XXYLT1: variants seen among roughly 807,000 people sequenced by gnomAD.
XXYLT1 encodes the protein xyloside xylosyltransferase 1.
XXYLT1 carries 20 observed loss-of-function variants against 28.9 expected under a neutral mutation model. The observed-to-expected ratio is 0.69, with a 90% CI of 0.49 to 1.00. The LOEUF (loss-of-function observed/expected upper bound fraction) is 1.00. XXYLT1 is among the 50% of genes least tolerant of loss of function. XXYLT1 has a pLI of 0.00. For missense variants in XXYLT1, 542 were observed against 560.1 expected, an observed-to-expected ratio of 0.97 and a Z score of 0.33; for synonymous variants, 257 against 253.8, an observed-to-expected ratio of 1.01 and a Z score of -0.12.
At chr3:195,100,431 C>T (rs1296343652) in intron 3 of XXYLT1, among the ~76,000 whole-genome samples, 7 of 152,166 alleles carry the variant, frequency 4.6e-5, no homozygotes, top group Admixed American at 4.6e-4. Flanking sequence ...CACAGCGCCT[C>T]CCCCAGAAGG....
intron 2 of XXYLT1, among the ~76,000 whole-genome samples, chr3:195,198,325 G>A (rs1217215211): frequency 6.6e-6 from 1 of 152,128 alleles, no homozygotes; most frequent in Non-Finnish European, 1.5e-5. Flanking sequence ...ATGCAAAGTC[G>A]AACTTCTCTT....
At chr3:195,094,002 G>T in intron 3 of XXYLT1, 1 of 154,274 alleles carries the variant, frequency 6.5e-6, no homozygotes, top group Non-Finnish European at 1.4e-5. Flanking sequence ...AGTGTCAGCT[G>T]CTCCCCTCGG....
chr3:195,071,351 G>A lies in XXYLT1; in HGVS notation c.786-1240C>T, dbSNP rs998416790. ...ATCTGCGTGATGAAGCAGAAGGTAC[G>A]GGGGAATAAAACCGGAGACCCTGCC... On this transcript the variant is annotated intron_variant, in intron 3 of 3. Transcript: ENST00000310380. Among the ~76,000 whole-genome samples the A allele has an allele frequency of 3.9e-5, 6 of 152,198 alleles. No individual in the cohort carries two copies. The South Asian group carries it at 8.3e-4, about 21-fold the overall frequency.
At chr3:195,112,552 C>T (rs1321997855) in intron 3 of XXYLT1, among the ~76,000 whole-genome samples, 2 of 147,152 alleles carry the variant, frequency 1.4e-5, no homozygotes, top group Non-Finnish European at 3.0e-5. Context: ...CAGGTGGGAA[C>T]AGCTAGATGA....
chr3:195,158,095 G>T (rs1172058010), intron 2 of XXYLT1, among the ~76,000 whole-genome samples: 1 of 152,194 alleles, frequency 6.6e-6, no homozygotes, highest in African/African-American at 2.4e-5. Context: ...AACTCCTGAT[G>T]GGAGGAAGGG....
At chr3:195,151,250 T>C (rs1720227492) in intron 3 of XXYLT1, among the ~76,000 whole-genome samples, 1 of 152,280 alleles carries the variant, frequency 6.6e-6, no homozygotes, top group East Asian at 1.9e-4. Context: ...TCTGTTAAAA[T>C]TTAAATTTCA....
At chr3:195,213,811 C>T (rs1723437614) in intron 2 of XXYLT1, among the ~76,000 whole-genome samples, 1 of 152,206 alleles carries the variant, frequency 6.6e-6, no homozygotes, top group South Asian at 2.1e-4. Flanking sequence ...AGTATCTCAG[C>T]CAGTCCTCCC....
intron 2 of XXYLT1, 135 bp downstream of exon 2, chr3:195,226,574 C>A: frequency 1.7e-6 from 2 of 1,153,600 alleles, no homozygotes; most frequent in Non-Finnish European, 2.3e-6. Flanking sequence ...AGGGCTTGGT[C>A]TGGCTCCCTC....
At position 195,260,771 on chromosome 3, in the gene XXYLT1, G is replaced by A. The variant is rs532014236; in HGVS notation, c.504+9784C>T. Among the ~76,000 whole-genome samples the A allele has an allele frequency of 6.6e-4, 101 of 152,196 alleles. 1 individual carries two copies. Among genetic ancestry groups the A allele is most frequent in the Non-Finnish European group, 1.2e-3 (85 of 68,020 alleles). On this transcript the variant is annotated intron_variant, in intron 1 of 3. Coordinates refer to ENST00000310380, the MANE Select transcript of XXYLT1 (RefSeq NM_152531.5). The stretch of plus-strand genomic sequence containing the variant: ...TAGTCACTGCCCCTTTCTGGCCCAG[G>A]GTATCAGCTGGACGGGGGACACTAC...
chr3:195,210,021 A>AAAAGAGAAGACGCTCAGCAGAGTCAGCC lies in XXYLT1; in HGVS notation c.652+16687_652+16688insGGCTGACTCTGCTGAGCGTCTTCTCTTT, dbSNP rs1723243123. ...GCGGCTTGGCAAACACACCAGAGGG[A>AAAAGAGAAGACGCTCAGCAGAGTCAGCC]CACACAGGGATCTGACACCATCTGG... On this transcript the variant is annotated intron_variant, in intron 2 of 3. Transcript: ENST00000310380. This position sits in a 1 kb window ranked among gnomAD's most constrained non-coding sequence, Gnocchi z 4.8. Among the ~76,000 whole-genome samples the AAAAGAGAAGACGCTCAGCAGAGTCAGCC allele has an allele frequency of 6.6e-6, 1 of 152,170 alleles. No individual in the cohort carries two copies. Among genetic ancestry groups the AAAAGAGAAGACGCTCAGCAGAGTCAGCC allele is most frequent in the African/African-American group, 2.4e-5 (1 of 41,450 alleles).
At chr3:195,265,608 A>G (rs1026542673) in intron 1 of XXYLT1, among the ~76,000 whole-genome samples, 1 of 152,190 alleles carries the variant, frequency 6.6e-6, no homozygotes, top group African/African-American at 2.4e-5. Flanking sequence ...GAGAGGAGAC[A>G]TGAGAGGCGC....
At chr3:195,230,625 A>T (rs116666686) in intron 1 of XXYLT1, among the ~76,000 whole-genome samples, 4 of 152,280 alleles carry the variant, frequency 2.6e-5, no homozygotes, top group Non-Finnish European at 4.4e-5. Flanking sequence ...AGCTTCATTT[A>T]TTAAAGAGAT....
intron 2 of XXYLT1, 149 bp from the exon 3 acceptor site, chr3:195,156,730 G>A: frequency 1.9e-6 from 2 of 1,044,718 alleles, no homozygotes; most frequent in South Asian, 3.3e-5. Context: ...GGAACAAAAG[G>A]CCTTTCATCT....
chr3:195,097,692 C>T (rs773704905), intron 3 of XXYLT1, among the ~76,000 whole-genome samples: 1 of 152,130 alleles, frequency 6.6e-6, no homozygotes, highest in Non-Finnish European at 1.5e-5. Flanking sequence ...CAGTGCATGG[C>T]GAGCACCCTG....
chr3:195,162,176 T>G (rs1307694035), intron 2 of XXYLT1, among the ~76,000 whole-genome samples: 1 of 151,526 alleles, frequency 6.6e-6, no homozygotes, highest in Non-Finnish European at 1.5e-5. Flanking sequence ...AGCTGGTCAG[T>G]GGTAGGGCTC....
At chr3:195,226,423 T>C (rs1398647743) in intron 2 of XXYLT1, among the ~76,000 whole-genome samples, 1 of 151,846 alleles carries the variant, frequency 6.6e-6, no homozygotes, top group African/African-American at 2.4e-5. Context: ...GGTTGAGCAG[T>C]GGGGAAAGAA....
At chr3:195,102,331 C>T (rs1195314393) in intron 3 of XXYLT1, among the ~76,000 whole-genome samples, 1 of 152,016 alleles carries the variant, frequency 6.6e-6, no homozygotes, top group Non-Finnish European at 1.5e-5. Flanking sequence ...TTCATGAATA[C>T]GATATTATGG....
At chr3:195,186,892 TG>T (rs1722219462) in intron 2 of XXYLT1, among the ~76,000 whole-genome samples, 2 of 150,180 alleles carry the variant, frequency 1.3e-5, no homozygotes, top group South Asian at 4.2e-4. Context: ...CAACACTGGC[TG>T]AAGTTTTTTT....
At position 195,242,307 on chromosome 3, in the gene XXYLT1, G is replaced by A. The variant is rs148289532; in HGVS notation, c.505-15451C>T. ...ACATAGGACTTACTCTAAACATTCC[G>A]GAGCACAGGCCTCCTTCTCACCTTT... On this transcript the variant is annotated intron_variant, in intron 1 of 3. Coordinates refer to ENST00000310380, the MANE Select transcript of XXYLT1 (RefSeq NM_152531.5). Among the ~76,000 whole-genome samples the A allele has an allele frequency of 4.3e-3, 653 of 152,194 alleles. 3 individuals are homozygous for A. Among genetic ancestry groups the A allele is most frequent in the Admixed American group, 8.2e-3 (125 of 15,278 alleles).
Sources: allele counts gnomAD v4.1 joint callset (sites outside exome capture counted in the v4.1 genomes callset), GRCh38; gene constraint gnomAD v4.1.1; non-coding constraint Gnocchi (gnomAD v3.1); transcripts MANE v1.5; gene names NCBI Gene and HGNC (gene_info 2026-07-23, HGNC 2026-07-21).